Variants in HIVEP3 observed in about 807,000 individuals in gnomAD.
The protein encoded by HIVEP3 is HIVEP zinc finger 3, also known as transcription factor HIVEP3.
A neutral mutation model predicts 152.8 loss-of-function variants in HIVEP3; 49 were observed. The ratio of observed to expected loss-of-function variants is 0.32; its 90% CI spans 0.26 to 0.41. HIVEP3 has a LOEUF of 0.41. Among genes scored for constraint, HIVEP3 ranks in the 10% least tolerant of loss-of-function variants. HIVEP3 has a pLI of 1.00. For missense variants in HIVEP3, 2,790 were observed against 3,103.3 expected, an observed-to-expected ratio of 0.90 and a Z score of 2.40; for synonymous variants, 1,269 against 1,289.0, an observed-to-expected ratio of 0.98 and a Z score of 0.33.
intron 1 of HIVEP3, among the ~76,000 whole-genome samples, chr1:41,736,537 C>T (rs1040591319): frequency 6.6e-6 from 1 of 152,172 alleles, no homozygotes; most frequent in South Asian, 2.1e-4. Flanking sequence ...GAAAAGTAGC[C>T]ATCCTGGGTC....
chr1:41,793,885 C>T (rs1649837920), intron 1 of HIVEP3, among the ~76,000 whole-genome samples: 3 of 152,150 alleles, frequency 2.0e-5, no homozygotes, highest in Non-Finnish European at 4.4e-5. Context: ...CTCTTATAAA[C>T]ATTTTTTGTG....
At chr1:41,799,846 G>A (rs2124310550) in intron 1 of HIVEP3, among the ~76,000 whole-genome samples, 1 of 152,114 alleles carries the variant, frequency 6.6e-6, no homozygotes, top group Non-Finnish European at 1.5e-5. Flanking sequence ...GGGGAATCAT[G>A]TTCACAGGGC....
chr1:41,745,282 C>T (rs1396245452), intron 1 of HIVEP3, among the ~76,000 whole-genome samples: 1 of 152,186 alleles, frequency 6.6e-6, no homozygotes, highest in Admixed American at 6.5e-5. Flanking sequence ...GGTGAAAAAG[C>T]AGCCCTAAGG....
chr1:41,793,614 G>A (rs1275753013), intron 1 of HIVEP3, among the ~76,000 whole-genome samples: 1 of 151,460 alleles, frequency 6.6e-6, no homozygotes, highest in African/African-American at 2.5e-5. Flanking sequence ...CATAATTCTG[G>A]GAATAAAGCA....
chr1:41,695,269 T>C (rs945944742), intron 2 of HIVEP3, among the ~76,000 whole-genome samples: 11 of 152,196 alleles, frequency 7.2e-5, no homozygotes, highest in African/African-American at 2.4e-4. Flanking sequence ...AGAGTCCTCC[T>C]CCTTGCTTGC....
intron 1 of HIVEP3, among the ~76,000 whole-genome samples, chr1:41,846,304 C>A (rs1643442668): frequency 6.6e-6 from 1 of 152,154 alleles, no homozygotes; most frequent in Non-Finnish European, 1.5e-5. Context: ...TTCCATTGTG[C>A]AGAAGGATAT....
chr1:41,552,695 T>C lies in HIVEP3; in HGVS notation c.5207+22849A>G, dbSNP rs574618406. ...ATAAACATACGTGTGCATGTGTCTT[T>C]ATAGCAGCATGATTTATAGTCCTTT... On this transcript the variant is annotated intron_variant, in intron 5 of 8. Coordinates refer to ENST00000372583, the MANE Select transcript of HIVEP3 (RefSeq NM_024503.5). 5.3e-5 allele frequency among the ~76,000 whole-genome samples: 8 copies of C among 152,006 alleles called. No individual in the cohort carries two copies. The South Asian group carries it at 1.7e-3, about 32-fold the overall frequency.
chr1:41,768,216 T>C (rs1370982690), intron 1 of HIVEP3, among the ~76,000 whole-genome samples: 1 of 152,222 alleles, frequency 6.6e-6, no homozygotes. Context: ...CTCACAATCA[T>C]GGCAGAAGGC....
At chr1:41,548,521 A>G (rs1643860338) in intron 5 of HIVEP3, among the ~76,000 whole-genome samples, 1 of 144,412 alleles carries the variant, frequency 6.9e-6, no homozygotes, top group Non-Finnish European at 1.5e-5. Flanking sequence ...AAAATGTACC[A>G]CTTGAACCAT....
At position 41,627,964 on chromosome 1, in the gene HIVEP3, C is replaced by T. The variant is rs1032046475; in HGVS notation, c.-522+785G>A. On this transcript the variant is annotated intron_variant, in intron 3 of 8. Transcript: ENST00000372583. ...CCCAGCTCTCTGGGTGATTCTGGCT[C>T]TCCACACCAGAGAAAACATCCAAGG... Among the ~76,000 whole-genome samples the T allele has an allele frequency of 2.0e-5, 3 of 151,228 alleles. No homozygotes were observed. The South Asian group carries it at 6.3e-4, about 32-fold the overall frequency.
intron 3 of HIVEP3, among the ~76,000 whole-genome samples, chr1:41,599,982 A>T (rs1472736707): frequency 6.6e-6 from 1 of 152,186 alleles, no homozygotes; most frequent in African/African-American, 2.4e-5. Context: ...ACCATTACCA[A>T]TTACTAGGGA....
intron 1 of HIVEP3, among the ~76,000 whole-genome samples, chr1:41,995,718 T>C (rs190573104): frequency 6.6e-6 from 1 of 152,360 alleles, no homozygotes; most frequent in Admixed American, 6.5e-5. Context: ...AGTTAATGTG[T>C]CCTGGGATCA....
intron 1 of HIVEP3, among the ~76,000 whole-genome samples, chr1:41,829,214 A>C (rs904549783): frequency 5.3e-5 from 8 of 152,250 alleles, no homozygotes; most frequent in African/African-American, 1.4e-4. Context: ...TGCTTACTAA[A>C]AAAGTCTTTG....
chr1:41,604,811 A>C (rs1644794420), intron 3 of HIVEP3, among the ~76,000 whole-genome samples: 2 of 152,198 alleles, frequency 1.3e-5, no homozygotes, highest in African/African-American at 4.8e-5. Flanking sequence ...ATGGTATTAG[A>C]AAATAGGATA....
At chr1:41,684,629 T>C (rs1485429197) in intron 2 of HIVEP3, among the ~76,000 whole-genome samples, 1 of 152,242 alleles carries the variant, frequency 6.6e-6, no homozygotes, top group East Asian at 1.9e-4. Context: ...ATGGGTGCTT[T>C]GATCAACCTC....
intron 1 of HIVEP3, among the ~76,000 whole-genome samples, chr1:42,005,264 G>A (rs1159909997): frequency 6.6e-6 from 1 of 152,120 alleles, no homozygotes; most frequent in East Asian, 1.9e-4. Flanking sequence ...TCTCTCAAGT[G>A]GAAAGCAAGT....
At chr1:41,757,559 G>C (rs1261716207) in intron 1 of HIVEP3, among the ~76,000 whole-genome samples, 1 of 152,040 alleles carries the variant, frequency 6.6e-6, no homozygotes, top group African/African-American at 2.4e-5. Context: ...TTGAGACTGT[G>C]TCTCAAAAAA....
Position 41,926,041 on chromosome 1 carries a change from G to A in HIVEP3, n.120-7517C>T, listed in dbSNP as rs537508731. ...GCTGAAATGTGGACCTGATAGCCATGTGGATGAGTGGTGCAGAGCAACGAG... is the reference window on the plus strand; with the variant it reads ...GCTGAAATGTGGACCTGATAGCCATATGGATGAGTGGTGCAGAGCAACGAG... On this transcript the variant is annotated intron_variant and non_coding_transcript_variant, in intron 1 of 3. Transcript: ENST00000489103. Among the ~76,000 whole-genome samples the A allele has an allele frequency of 1.7e-3, 264 of 152,228 alleles. 1 individual carries two copies. The highest frequency in any genetic ancestry group is 2.9e-3 in the Non-Finnish European group (195 of 68,012).
chr1:41,769,585 G>T (rs1212450254), intron 1 of HIVEP3, among the ~76,000 whole-genome samples: 3 of 151,866 alleles, frequency 2.0e-5, no homozygotes, highest in East Asian at 1.9e-4. Context: ...TAAGAAAGAA[G>T]TAAAAAAAGA....
Sources: allele counts gnomAD v4.1 joint callset (sites outside exome capture counted in the v4.1 genomes callset), GRCh38; gene constraint gnomAD v4.1.1; transcripts MANE v1.5; gene names NCBI Gene and HGNC (gene_info 2026-07-23, HGNC 2026-07-21).